Variants in CCDC102B observed in about 807,000 individuals in gnomAD.
CCDC102B encodes the protein coiled-coil domain containing 102B.
CCDC102B carries 75 observed loss-of-function variants against 57.4 expected under a neutral mutation model. The observed-to-expected ratio is 1.31, with a 90% CI of 1.08 to 1.58. The LOEUF (loss-of-function observed/expected upper bound fraction) is 1.58, where lower values mean the gene tolerates loss of function less well. CCDC102B is among the 40% of genes most tolerant of loss of function. The pLI is 0.00. For synonymous variants in CCDC102B, 206 were observed against 201.9 expected, an observed-to-expected ratio of 1.02 and a Z score of -0.17; for missense variants, 636 against 582.6, an observed-to-expected ratio of 1.09 and a Z score of -0.94.
chr18:68,821,334 T>C (rs2036681811), intron 1 of CCDC102B, among the ~76,000 whole-genome samples: 1 of 151,832 alleles, frequency 6.6e-6, no homozygotes, highest in Non-Finnish European at 1.5e-5. Context: ...ATACATAATG[T>C]GTATTTTCCA....
chr18:68,923,008 A>G (rs1371269941), intron 6 of CCDC102B, among the ~76,000 whole-genome samples: 1 of 152,110 alleles, frequency 6.6e-6, no homozygotes, highest in Non-Finnish European at 1.5e-5. Flanking sequence ...GATGGCTTGC[A>G]ATAAAAAAAA....
chr18:69,022,186 C>A lies in CCDC102B; in HGVS notation c.1434+11082C>A, dbSNP rs568210186. 4.8e-4 allele frequency among the ~76,000 whole-genome samples: 28 copies of A among 57,874 alleles called. No individual in the cohort carries two copies. In the East Asian group the frequency reaches 6.3e-3, roughly 13 times the overall value. The allele number at this position is 57,874 out of a possible 152,430, so 38.0% of individuals were successfully genotyped here. On this transcript the variant is annotated intron_variant, in intron 7 of 7. Coordinates refer to ENST00000360242, the MANE Select transcript of CCDC102B (RefSeq NM_024781.3). ...GGCAGCATTTATTAGACCCATTATC[C>A]TTTAGCCTATATATATATATATATA... is the stretch of plus-strand genomic sequence containing the variant.
chr18:68,737,802 G>T (rs988083354), intron 2 of CCDC102B, among the ~76,000 whole-genome samples: 1 of 151,888 alleles, frequency 6.6e-6, no homozygotes, highest in African/African-American at 2.4e-5. Context: ...CTAGCACAAA[G>T]AACATAAACT....
At chr18:68,723,221 A>G (rs939035682) in intron 2 of CCDC102B, among the ~76,000 whole-genome samples, 4 of 152,126 alleles carry the variant, frequency 2.6e-5, no homozygotes, top group Non-Finnish European at 4.4e-5. Flanking sequence ...TGATTAAACT[A>G]TCTTTACCTG....
chr18:68,933,127 CT>C (rs145968898), intron 6 of CCDC102B, among the ~76,000 whole-genome samples: 16,638 of 151,408 alleles, frequency 0.11, 981 homozygotes, highest in Admixed American at 0.13. Flanking sequence ...AGAGATTATT[CT>C]TTTGCCATTT....
intron 6 of CCDC102B, among the ~76,000 whole-genome samples, chr18:68,913,310 C>CTGTGTGTG (rs57064090): frequency 0.28 from 38,202 of 135,256 alleles, 5,855 homozygotes; most frequent in Non-Finnish European, 0.34. Context: ...TGGTTAGTGT[C>CTGTGTGTG]TGTGTGTGTG....
At chr18:68,876,779 A>C (rs2039466696) in intron 5 of CCDC102B, among the ~76,000 whole-genome samples, 1 of 152,216 alleles carries the variant, frequency 6.6e-6, no homozygotes, top group South Asian at 2.1e-4. Flanking sequence ...AGAATATATA[A>C]AATGAGATTT....
At chr18:68,963,168 A>G (rs892305339) in intron 6 of CCDC102B, among the ~76,000 whole-genome samples, 1 of 152,014 alleles carries the variant, frequency 6.6e-6, no homozygotes, top group Admixed American at 6.6e-5. Flanking sequence ...TAATAGTTTA[A>G]AAATCTAGGA....
At chr18:68,720,027 G>C (rs2032239055) in intron 2 of CCDC102B, among the ~76,000 whole-genome samples, 1 of 151,920 alleles carries the variant, frequency 6.6e-6, no homozygotes, top group South Asian at 2.1e-4. Context: ...GGTTTAACTT[G>C]GGAAAAAAGT....
At chr18:68,718,947 A>G (rs2032175497) in intron 2 of CCDC102B, among the ~76,000 whole-genome samples, 1 of 152,210 alleles carries the variant, frequency 6.6e-6, no homozygotes, top group Admixed American at 6.5e-5. Flanking sequence ...TATTGATTAT[A>G]ATCTTTATTT....
chr18:69,033,636 G>A (rs1416909266), intron 7 of CCDC102B, among the ~76,000 whole-genome samples: 1 of 151,758 alleles, frequency 6.6e-6, no homozygotes, highest in African/African-American at 2.4e-5. Flanking sequence ...TCTTTGTATG[G>A]TTCATTCATC....
intron 6 of CCDC102B, among the ~76,000 whole-genome samples, chr18:68,937,560 T>C (rs1568340547): frequency 6.6e-6 from 1 of 152,086 alleles, no homozygotes; most frequent in Non-Finnish European, 1.5e-5. Flanking sequence ...CATTTTTAAT[T>C]GTTCACCAGT....
intron 3 of CCDC102B, among the ~76,000 whole-genome samples, chr18:68,843,207 A>T (rs1249747186): frequency 1.3e-5 from 2 of 152,208 alleles, no homozygotes; most frequent in African/African-American, 4.8e-5. Flanking sequence ...ATTTGTAAAA[A>T]CTTGTATTGT....
chr18:68,772,236 CT>C (rs916794236), intron 2 of CCDC102B, among the ~76,000 whole-genome samples: 10 of 151,354 alleles, frequency 6.6e-5, no homozygotes, highest in East Asian at 1.9e-4. Context: ...AACACAATGA[CT>C]TTTTTTTTAC....
At chr18:68,957,033 C>T (rs1022904030) in intron 6 of CCDC102B, among the ~76,000 whole-genome samples, 1 of 151,970 alleles carries the variant, frequency 6.6e-6, no homozygotes, top group African/African-American at 2.4e-5. Flanking sequence ...TTATTGCTCC[C>T]TTGTCAGATG....
chr18:68,855,793 A>G (rs1412019183), intron 4 of CCDC102B, among the ~76,000 whole-genome samples: 2 of 150,740 alleles, frequency 1.3e-5, no homozygotes, highest in African/African-American at 4.9e-5. Context: ...CAACTCAATA[A>G]AGAACATATA....
At chr18:68,960,310 G>A (rs1254782153) in intron 6 of CCDC102B, among the ~76,000 whole-genome samples, 1 of 152,102 alleles carries the variant, frequency 6.6e-6, no homozygotes, top group Non-Finnish European at 1.5e-5. Context: ...ATTTGTAATT[G>A]CCTGTCATCC....
intron 4 of CCDC102B, among the ~76,000 whole-genome samples, chr18:68,857,412 ATATT>A (rs1394607589): frequency 7.9e-6 from 1 of 127,260 alleles, no homozygotes; most frequent in South Asian, 2.2e-4. Context: ...ATAAATATAT[ATATT>A]TATATATAAA....
rs1279793965 is a variant in CCDC102B, at chr18:68,846,439, G to A, written c.936+18G>A. Reference sequence around the variant, plus strand: ...TGAAAGAGGTATGGGGGAATATGATGTAAAGGAAGAAATGAAGCCTAGCTT... The same window carrying A: ...TGAAAGAGGTATGGGGGAATATGATATAAAGGAAGAAATGAAGCCTAGCTT... On this transcript the variant is annotated intron_variant, in intron 4 of 7. Transcript: ENST00000360242. 6.9e-7 allele frequency: 1 copy of A among 1,443,800 alleles called. No individual in the cohort carries two copies. The highest frequency in any genetic ancestry group is 2.2e-5 in the Admixed American group (1 of 45,210). The allele number at this position is 1,443,800 out of a possible 1,614,324, so 89.4% of individuals were successfully genotyped here. A position where few individuals can be genotyped will look rare whatever the true frequency, so the allele number is the denominator to read the frequency against.
Sources: gnomAD v4.1 joint callset for allele counts (sites outside exome capture counted in the v4.1 genomes callset) on GRCh38, gnomAD v4.1.1 for gene constraint, MANE v1.5 for transcripts, NCBI Gene and HGNC (gene_info 2026-07-23, HGNC 2026-07-21) for gene names.